Variants in CEBPZOS observed in about 807,000 individuals in gnomAD.
The protein encoded by CEBPZOS is protein CEBPZOS.
In CEBPZOS, 10 loss-of-function variants were observed where a neutral mutation model predicts 4.8. The ratio of observed to expected loss-of-function variants is 2.07; its 90% CI spans 1.28 to 3.52. CEBPZOS has a LOEUF of 3.52. CEBPZOS is among the 30% of genes most tolerant of loss of function. CEBPZOS has a pLI of 0.00. For synonymous variants in CEBPZOS, 25 were observed against 14.2 expected (o/e 1.77, Z -1.72); for missense variants, 98 against 43.6 (o/e 2.25, Z -3.51).
chr2:37,210,898 G>T, intron 4 of CEBPZOS: 1 of 667,558 alleles, frequency 1.5e-6, no homozygotes, highest in Non-Finnish European at 2.3e-6. Flanking sequence ...CCCCACCCCT[G>T]AATTTTATTA....
intron 3 of CEBPZOS, 195 bp downstream of exon 3, chr2:37,201,287 T>A (rs1414285890): frequency 1.8e-6 from 1 of 552,874 alleles, no homozygotes; most frequent in Non-Finnish European, 3.2e-6. Context: ...CTTCTAGTGG[T>A]TAAGAATGTA....
At chr2:37,211,059 T>G (rs781556976) in intron 4 of CEBPZOS, 2 of 1,611,374 alleles carry the variant, frequency 1.2e-6, no homozygotes, top group Admixed American at 1.7e-5. Flanking sequence ...TTCTTAGTAC[T>G]GACTTTGGAG....
chr2:37,210,899 A>G (rs1677700684), intron 4 of CEBPZOS: 6 of 452,072 alleles, frequency 1.3e-5, no homozygotes, highest in Non-Finnish European at 1.1e-5. Flanking sequence ...CCCACCCCTG[A>G]ATTTTATTAA....
chr2:37,211,215 C>T (rs1677710826), intron 4 of CEBPZOS: 1 of 543,228 alleles, frequency 1.8e-6, no homozygotes, highest in Non-Finnish European at 3.2e-6. Context: ...TTTTGTAATT[C>T]CACTAGCATA....
Position 37,203,168 on chromosome 2 carries a change from A to G in CEBPZOS, c.*1308A>G. 1 of 497,132 alleles carries G rather than the reference A, an allele frequency of 2.0e-6. No individual in the cohort carries two copies. The highest frequency in any genetic ancestry group is 3.8e-5 in the South Asian group (1 of 26,550). The allele number at this position is 497,132 out of a possible 1,614,324, so 30.8% of individuals were successfully genotyped here. ...AGCTGGCATTTAAATATAATTTAAG[A>G]GTTAGTATATAATATTTTCAAAAAG... is the stretch of plus-strand genomic sequence containing the variant. On this transcript the variant is annotated 3_prime_UTR_variant, in exon 5 of 5. Coordinates refer to ENST00000402297, the MANE Select transcript of CEBPZOS (RefSeq NM_001322374.2).
chr2:37,207,092 C>T (rs190380452), downstream of CEBPZOS, among the ~76,000 whole-genome samples: 15 of 152,236 alleles, frequency 9.9e-5, 1 homozygote, highest in South Asian at 2.7e-3. Context: ...ATTAGTCCAA[C>T]AAGAAATGTC....
At chr2:37,197,433 A>T (rs2148313673) in intron 1 of CEBPZOS, 2 of 152,274 alleles carry the variant, frequency 1.3e-5, no homozygotes, top group Middle Eastern at 6.8e-3. Context: ...TATTATTCGC[A>T]CTTTATTTTC....
chr2:37,206,180 G>A (rs908248602), downstream of CEBPZOS, among the ~76,000 whole-genome samples: 1 of 152,196 alleles, frequency 6.6e-6, no homozygotes, highest in African/African-American at 2.4e-5. Context: ...TAAGGGGACA[G>A]GACTAACGTG....
At chr2:37,206,890 C>G (rs912836199), downstream of CEBPZOS, among the ~76,000 whole-genome samples, 1 of 152,176 alleles carries the variant, frequency 6.6e-6, no homozygotes, top group African/African-American at 2.4e-5. Context: ...AACCAAGAAT[C>G]TGCTGTGTTC....
At chr2:37,206,306 C>G (rs1167307423), downstream of CEBPZOS, among the ~76,000 whole-genome samples, 1 of 152,232 alleles carries the variant, frequency 6.6e-6, no homozygotes, top group African/African-American at 2.4e-5. Flanking sequence ...TGAGAATTCA[C>G]CACTACCAAG....
chr2:37,208,265 G>C (rs763984672), downstream of CEBPZOS, among the ~76,000 whole-genome samples: 3 of 152,116 alleles, frequency 2.0e-5, no homozygotes, highest in Non-Finnish European at 2.9e-5. Flanking sequence ...CCAAAAGATA[G>C]GGAAAGAGGG....
rs1246381109 is a variant in CEBPZOS at position 37,196,624 on chromosome 2, G to C, written c.-2+104G>C. On this transcript the variant is annotated intron_variant, in intron 1 of 4. Transcript: ENST00000402297. ...GCGTGGGGCCTCGTCACAGTTCTGGGGGCATGTGGAGGATAGTCAGGTGTC... is the reference window on the plus strand; with the variant it reads ...GCGTGGGGCCTCGTCACAGTTCTGGCGGCATGTGGAGGATAGTCAGGTGTC... 2.0e-5 allele frequency: 3 copies of C among 152,366 alleles called. No homozygotes were observed. In the South Asian group the frequency reaches 6.2e-4, roughly 31 times the overall value. 9.4% of individuals were successfully genotyped at this position (152,366 alleles called of 1,614,324 possible).
chr2:37,197,870 A>T (rs1222030594), intron 1 of CEBPZOS, among the ~76,000 whole-genome samples: 3 of 151,484 alleles, frequency 2.0e-5, no homozygotes, highest in African/African-American at 7.3e-5. Flanking sequence ...TCTCAAAAAA[A>T]TAAAAATAGG....
intron 4 of CEBPZOS, chr2:37,211,545 G>A: frequency 3.2e-6 from 1 of 308,440 alleles, no homozygotes; most frequent in Non-Finnish European, 5.9e-6. Context: ...TTTATAAACT[G>A]CTAATTACTA....
chr2:37,210,929 T>C (rs142473640), intron 4 of CEBPZOS: 18 of 1,081,370 alleles, frequency 1.7e-5, no homozygotes, highest in East Asian at 2.6e-5. Flanking sequence ...GGAGAGTTCA[T>C]TTCCCAAAAT....
downstream of CEBPZOS, chr2:37,214,766 C>G (rs199628639): frequency 1.4e-5 from 8 of 570,270 alleles, no homozygotes; most frequent in East Asian, 2.4e-4. Flanking sequence ...GTTCCATGGT[C>G]TATTTACACA....
downstream of CEBPZOS, among the ~76,000 whole-genome samples, chr2:37,206,544 G>C (rs961291226): frequency 2.0e-5 from 3 of 152,176 alleles, no homozygotes; most frequent in East Asian, 5.8e-4. Context: ...TTTTTGTAGA[G>C]ATAGGGTTTT....
intron 4 of CEBPZOS, chr2:37,212,141 G>T: frequency 8.9e-7 from 1 of 1,122,806 alleles, no homozygotes; most frequent in Middle Eastern, 2.1e-4. Context: ...CTCAGAAGGA[G>T]AAAGCTTTGC....
At chr2:37,214,759 C>G (rs1027691074), downstream of CEBPZOS, 11 of 539,396 alleles carry the variant, frequency 2.0e-5, no homozygotes, top group Non-Finnish European at 3.0e-5. Context: ...CACTAATGTT[C>G]CATGGTCTAT....
Sources: gnomAD v4.1 joint callset for allele counts (sites outside exome capture counted in the v4.1 genomes callset) on GRCh38, gnomAD v4.1.1 for gene constraint, MANE v1.5 for transcripts, NCBI Gene and HGNC (gene_info 2026-07-23, HGNC 2026-07-21) for gene names.